CEP164: variants seen among roughly 807,000 people sequenced by gnomAD.
CEP164 encodes the protein centrosomal protein 164, also known as centrosomal protein of 164 kDa.
A neutral mutation model predicts 182.7 loss-of-function variants in CEP164; 162 were observed. That is an observed-to-expected ratio of 0.89 (90% CI 0.78 to 1.01). The LOEUF is 1.01. CEP164 is among the 50% of genes least tolerant of loss of function. The pLI is 0.00. For synonymous variants in CEP164, 661 were observed against 690.0 expected (o/e 0.96, Z 0.66); for missense variants, 1,735 against 1,790.4 (o/e 0.97, Z 0.56).
rs998368843 is a variant in CEP164, at chr11:117,411,040, C to A, written c.4163+146C>A. ...CAGGCCTCTAGTCCACAGAGCTGTC[C>A]CCGCTTGCCTGGGTCTGAGGCGCCC... is the stretch of plus-strand genomic sequence containing the variant. On this transcript the variant is annotated intron_variant, in intron 31 of 32. Transcript: ENST00000278935. The surrounding 1 kb of genome is among the most constrained non-coding windows in gnomAD (Gnocchi z 4.4). 2.8e-6 allele frequency: 2 copies of A among 706,694 alleles called. No individual in the cohort carries two copies. Among genetic ancestry groups the A allele is most frequent in the African/African-American group, 3.5e-5 (2 of 57,170 alleles). 43.8% of individuals were successfully genotyped at this position (706,694 alleles called of 1,614,324 possible). A position where few individuals can be genotyped will look rare whatever the true frequency, so the allele number is the denominator to read the frequency against.
intron 15 of CEP164, among the ~76,000 whole-genome samples, chr11:117,389,909 A>G (rs925938374): frequency 2.7e-5 from 4 of 149,420 alleles, no homozygotes; most frequent in Non-Finnish European, 4.4e-5. Flanking sequence ...GAAGTGCTGT[A>G]CTACCAAAAC....
At chr11:117,349,349 G>T (rs899817803) in intron 4 of CEP164, among the ~76,000 whole-genome samples, 2 of 152,132 alleles carry the variant, frequency 1.3e-5, no homozygotes, top group Non-Finnish European at 2.9e-5. Flanking sequence ...TCTTCTTTCT[G>T]TCTTTTGGCT....
intron 27 of CEP164, 109 bp downstream of exon 27, chr11:117,397,422 A>C: frequency 2.9e-6 from 3 of 1,036,238 alleles, no homozygotes; most frequent in Non-Finnish European, 4.2e-6. Flanking sequence ...GGACTCCATG[A>C]GAGTGGCCAC....
chr11:117,368,474 G>T (rs7115526), intron 8 of CEP164, among the ~76,000 whole-genome samples: 40,998 of 152,104 alleles, frequency 0.27, 5,567 homozygotes, highest in Middle Eastern at 0.31. Flanking sequence ...ACTATTTATG[G>T]TCTGATACCT....
chr11:117,392,681 C>G, intron 19 of CEP164, 54 bp downstream of exon 19: 1 of 1,589,364 alleles, frequency 6.3e-7, no homozygotes, highest in Non-Finnish European at 8.6e-7. Flanking sequence ...GACTCTCTTA[C>G]AGTCAGCTGA....
chr11:117,381,668 G>A, intron 12 of CEP164, 33 bp from the exon 13 acceptor site: 4 of 1,589,030 alleles, frequency 2.5e-6, no homozygotes, highest in Middle Eastern at 2.0e-4. Context: ...AAATGGAGGG[G>A]CCTGACTCTG....
At chr11:117,401,682 A>G (rs1296933424) in intron 27 of CEP164, among the ~76,000 whole-genome samples, 4 of 152,086 alleles carry the variant, frequency 2.6e-5, no homozygotes, top group Non-Finnish European at 5.9e-5. Flanking sequence ...CAGGGATTCA[A>G]CTTCTTTCTG....
At chr11:117,326,793 C>G (rs940123882), upstream of CEP164, among the ~76,000 whole-genome samples, 2 of 152,206 alleles carry the variant, frequency 1.3e-5, no homozygotes, top group Non-Finnish European at 2.9e-5. Context: ...TAGAACCTAT[C>G]AGGAGCGGCT....
At chr11:117,346,635 T>G (rs2038939206) in intron 4 of CEP164, among the ~76,000 whole-genome samples, 1 of 151,746 alleles carries the variant, frequency 6.6e-6, no homozygotes, top group African/African-American at 2.4e-5. Context: ...AGGCCGAGTT[T>G]GGAGGATTGC....
chr11:117,363,077 T>C (rs147349257), intron 7 of CEP164, among the ~76,000 whole-genome samples: 3 of 152,384 alleles, frequency 2.0e-5, no homozygotes, highest in Admixed American at 2.0e-4. Flanking sequence ...TGAATATATA[T>C]GGGTTGTTTC....
At chr11:117,397,632 A>C (rs1394532509) in intron 27 of CEP164, among the ~76,000 whole-genome samples, 1 of 152,204 alleles carries the variant, frequency 6.6e-6, no homozygotes, top group Non-Finnish European at 1.5e-5. Context: ...TCATGGCAGG[A>C]GGCGAAAGGC....
At chr11:117,377,576 A>C (rs2042887533) in intron 11 of CEP164, among the ~76,000 whole-genome samples, 3 of 152,116 alleles carry the variant, frequency 2.0e-5, no homozygotes, top group African/African-American at 7.2e-5. Flanking sequence ...ATGGGACAGA[A>C]CTGTAGATGC....
chr11:117,397,479 A>G (rs1258187538), intron 27 of CEP164, among the ~76,000 whole-genome samples, 166 bp downstream of exon 27: 2 of 152,250 alleles, frequency 1.3e-5, no homozygotes, highest in Non-Finnish European at 2.9e-5. Flanking sequence ...ATAGTATGCA[A>G]ACACCTTTTC....
At chr11:117,397,000 C>G (rs755861734) in intron 26 of CEP164, 91 bp from the exon 27 acceptor site, 7 of 1,176,064 alleles carry the variant, frequency 6.0e-6, no homozygotes, top group Non-Finnish European at 6.0e-6. Flanking sequence ...GGTCTGTGCT[C>G]AGGGTTGGCA....
chr11:117,353,290 C>T (rs118181839), intron 5 of CEP164, among the ~76,000 whole-genome samples: 1,570 of 152,318 alleles, frequency 0.01, 43 homozygotes, highest in South Asian at 0.049. Flanking sequence ...CCCTCCCCTC[C>T]CTGACATGTT....
intron 27 of CEP164, among the ~76,000 whole-genome samples, chr11:117,400,144 T>C (rs1045523573): frequency 2.6e-5 from 4 of 152,222 alleles, no homozygotes; most frequent in Admixed American, 2.6e-4. Context: ...CTTTAATCCA[T>C]CTCGAATTAA....
chr11:117,371,466 A>G lies in CEP164; in HGVS notation c.1152A>G (p.Gln384=), dbSNP rs368171178. The G allele has an allele frequency of 1.8e-4, 297 of 1,606,006 alleles. 1 individual carries two copies. The highest frequency in any genetic ancestry group is 1.6e-3 in the Middle Eastern group (9 of 5,608). The change falls in exon 9 of 33, where the codon CAA becomes CAG. Residue 384 remains glutamine (Q), a splice_region_variant and synonymous_variant. Transcript: ENST00000278935. ...ALEEGSSDAS[Q]ELEISEHMKE... ...AAGAGGGCAGTTCAGACGCCAGCCA[A>G]GTAAGTCACTGTATCCCATAGGCAG...
intron 4 of CEP164, among the ~76,000 whole-genome samples, chr11:117,345,364 GTCC>G (rs997945058): frequency 1.3e-5 from 2 of 152,156 alleles, no homozygotes; most frequent in African/African-American, 4.8e-5. Context: ...TGTCTACTCT[GTCC>G]TCCTGTCTTG....
chr11:117,371,571 C>A, intron 9 of CEP164, 105 bp downstream of exon 9: 2 of 1,395,670 alleles, frequency 1.4e-6, no homozygotes, highest in Non-Finnish European at 1.9e-6. Flanking sequence ...GAGTCAGGAG[C>A]TTCATTTGCG....
Sources: allele counts gnomAD v4.1 joint callset (sites outside exome capture counted in the v4.1 genomes callset), GRCh38; gene constraint gnomAD v4.1.1; non-coding constraint Gnocchi (gnomAD v3.1); transcripts MANE v1.5; gene names NCBI Gene and HGNC (gene_info 2026-07-23, HGNC 2026-07-21).